The following UBE4B variants were observed in gnomAD, a reference collection of about 807,000 sequenced individuals.
UBE4B encodes ubiquitin conjugation factor E4 B.
In UBE4B, 27 loss-of-function variants were observed where a neutral mutation model predicts 148.1. The ratio of observed to expected loss-of-function variants is 0.18; its 90% CI spans 0.13 to 0.25. The LOEUF is 0.25. UBE4B is among the 10% of genes least tolerant of loss of function. The pLI, the probability that UBE4B is intolerant of heterozygous loss-of-function variation, is 1.00. For synonymous variants in UBE4B, 596 were observed against 619.3 expected, an observed-to-expected ratio of 0.96 and a Z score of 0.56; for missense variants, 1,170 against 1,662.4, an observed-to-expected ratio of 0.70 and a Z score of 5.15.
intron 23 of UBE4B, among the ~76,000 whole-genome samples, chr1:10,163,060 A>G (rs933975267): frequency 6.6e-6 from 1 of 151,830 alleles, no homozygotes; most frequent in African/African-American, 2.4e-5. Context: ...TTTGTTTTTT[A>G]TTATTATTAA....
At chr1:10,094,716 G>C (rs969451187) in intron 2 of UBE4B, among the ~76,000 whole-genome samples, 1 of 151,990 alleles carries the variant, frequency 6.6e-6, no homozygotes, top group African/African-American at 2.4e-5. Context: ...TTACAGGTGT[G>C]AGCCACCACA....
Position 10,052,141 on chromosome 1 carries a change from A to T in UBE4B, c.24+18447A>T, listed in dbSNP as rs558188010. 1.8e-4 allele frequency among the ~76,000 whole-genome samples: 27 copies of T among 150,276 alleles called. No homozygotes were observed. The East Asian group carries it at 5.3e-3, about 29-fold the overall frequency. On this transcript the variant is annotated intron_variant, in intron 1 of 27. Coordinates refer to ENST00000343090, the MANE Select transcript of UBE4B (RefSeq NM_001105562.3). ...GAGTGTAGTGGTGCCATCTTGGCTC[A>T]CTGCAACCTCCGCCTCCTGGGTTCA...
chr1:10,151,337 A>C lies in UBE4B; in HGVS notation c.2702A>C (p.Gln901Pro), dbSNP rs201222800. The change falls in exon 21 of 28, where the codon CAG (glutamine) becomes CCG (proline). Residue 901 changes from glutamine (Q) to proline (P), a missense_variant. Physicochemically the swap from Gln to Pro is moderately conservative, Grantham distance 76 (BLOSUM62 -1). Around this residue, in one of 6 missense-constraint regions of UBE4B, gnomAD observed 348 missense variants for 627.2 expected, o/e 0.55. Transcript: ENST00000343090. ...FLFFIVQYSPQALYEPCTQDI... is the reference protein window; with the variant it reads ...FLFFIVQYSPPALYEPCTQDI... ...TTGCCTCTGTTCAGATACTCTCCCC[A>C]GGCGCTTTATGAGCCCTGTACTCAG... 17 of 1,613,934 alleles carry C rather than the reference A, an allele frequency of 1.1e-5. No homozygotes were observed. The East Asian group carries it at 3.3e-4, about 32-fold the overall frequency.
rs1644637794 is a variant in UBE4B at position 10,079,279 on chromosome 1, C to T, written c.211+7065C>T. 2.0e-5 allele frequency among the ~76,000 whole-genome samples: 3 copies of T among 152,154 alleles called. No individual in the cohort carries two copies. In the South Asian group the frequency reaches 6.2e-4, roughly 31 times the overall value. On this transcript the variant is annotated intron_variant, in intron 2 of 27. Coordinates refer to ENST00000343090, the MANE Select transcript of UBE4B (RefSeq NM_001105562.3). ...GCTCAAGTGATTTTCCTGCCTCAAC[C>T]TCCTGAGTAGCTGGGATTACAGGCA...
intron 21 of UBE4B, among the ~76,000 whole-genome samples, chr1:10,154,373 T>TA (rs1168870730): frequency 2.6e-5 from 4 of 151,854 alleles, no homozygotes; most frequent in African/African-American, 4.8e-5. Flanking sequence ...AGCCGAGATC[T>TA]AAAAAAATTT....
chr1:10,132,502 CT>C lies in UBE4B; in HGVS notation c.2025+24del. The C allele has an allele frequency of 6.2e-7, 1 of 1,604,688 alleles. No homozygotes were observed. On this transcript the variant is annotated intron_variant, in intron 15 of 27. Transcript: ENST00000343090. ...ATGCAGGTAGGATTCCTACAGACTGCTTTTCGCTGTTTGTCAAATTCATTCA... is the reference window on the plus strand; with the variant it reads ...ATGCAGGTAGGATTCCTACAGACTGCTTTCGCTGTTTGTCAAATTCATTCA...
intron 14 of UBE4B, among the ~76,000 whole-genome samples, chr1:10,131,897 G>C (rs955221099): frequency 2.0e-5 from 3 of 151,936 alleles, no homozygotes; most frequent in Non-Finnish European, 4.4e-5. Context: ...AGGTTGCACT[G>C]AGCCGAGATG....
At position 10,179,885 on chromosome 1, in the gene UBE4B, C is replaced by G; in HGVS notation, c.3848-10C>G. ...CTGGGGCATTAATCCTCCTTTTTTT[C>G]TTTTCTCAGTGCCAGAACTGAAAGA... On this transcript the variant is annotated splice_polypyrimidine_tract_variant and intron_variant, in intron 27 of 27. Coordinates refer to ENST00000343090, the MANE Select transcript of UBE4B (RefSeq NM_001105562.3). 1 of 1,613,004 alleles carries G rather than the reference C, an allele frequency of 6.2e-7. No homozygotes were observed.
rs779239954 is a variant in UBE4B, at chr1:10,179,531, G to T, written c.3816G>T (p.Arg1272=). 6.2e-7 allele frequency: 1 copy of T among 1,613,672 alleles called. No individual in the cohort carries two copies. The highest frequency in any genetic ancestry group is 8.5e-7 in the Non-Finnish European group (1 of 1,180,016). The change falls in exon 27 of 28, where the codon CGG becomes CGT. Residue 1272 remains arginine (R), a synonymous_variant. Transcript: ENST00000343090. ...ACTCCCCCACGGACCCCTTCAACCG[G>T]CAGACGCTGACAGAGAGCATGCTGG... The part of the protein sequence containing the change: ...LLNSPTDPFN[R]QTLTESMLEP...
At chr1:10,146,000 A>C (rs983600308) in intron 18 of UBE4B, among the ~76,000 whole-genome samples, 3 of 152,200 alleles carry the variant, frequency 2.0e-5, no homozygotes, top group Non-Finnish European at 2.9e-5. Context: ...TAATATGTGG[A>C]AAGTTTACCT....
intron 5 of UBE4B, among the ~76,000 whole-genome samples, chr1:10,103,632 GTT>G (rs1186811301): frequency 9.4e-6 from 1 of 106,506 alleles, no homozygotes; most frequent in Non-Finnish European, 2.0e-5. Context: ...TTTTGTTTTT[GTT>G]TTTTTTTTTT....
chr1:10,081,198 G>A (rs1644673902), intron 2 of UBE4B, among the ~76,000 whole-genome samples: 1 of 152,004 alleles, frequency 6.6e-6, no homozygotes, highest in African/African-American at 2.4e-5. Context: ...GAGTAGCTGG[G>A]ATTACAGGCC....
At chr1:10,173,397 G>A (rs892260526) in intron 25 of UBE4B, among the ~76,000 whole-genome samples, 3 of 151,572 alleles carry the variant, frequency 2.0e-5, no homozygotes, top group Non-Finnish European at 4.4e-5. Context: ...CAGGAGAATG[G>A]CGTGAACCCA....
chr1:10,175,115 A>AG (rs1221805957), intron 25 of UBE4B, among the ~76,000 whole-genome samples: 9 of 152,160 alleles, frequency 5.9e-5, no homozygotes, highest in Admixed American at 1.3e-4. Flanking sequence ...GCCTGGGTGA[A>AG]GAGCCACTGA....
At chr1:10,102,567 C>T (rs933715713) in intron 4 of UBE4B, among the ~76,000 whole-genome samples, 7 of 151,650 alleles carry the variant, frequency 4.6e-5, no homozygotes, top group Admixed American at 3.9e-4. Flanking sequence ...CCCGCAACCG[C>T]GCCTGGCTAA....
chr1:10,157,432 C>T (rs1245928308), intron 21 of UBE4B, among the ~76,000 whole-genome samples: 1 of 151,988 alleles, frequency 6.6e-6, no homozygotes, highest in Non-Finnish European at 1.5e-5. Context: ...AGCCATTATT[C>T]ACACCACTGC....
chr1:10,155,084 A>AGTGTGT (rs144718535), intron 21 of UBE4B, among the ~76,000 whole-genome samples: 28 of 146,296 alleles, frequency 1.9e-4, no homozygotes, highest in Middle Eastern at 3.6e-3. Flanking sequence ...AGAGAGAGAG[A>AGTGTGT]GTGTGTGTGT....
chr1:10,054,170 T>G (rs994392671), intron 1 of UBE4B, among the ~76,000 whole-genome samples: 4 of 152,200 alleles, frequency 2.6e-5, no homozygotes, highest in Non-Finnish European at 4.4e-5. Flanking sequence ...CCATGATGAT[T>G]TAGAGGGACT....
rs575744725 is a variant in UBE4B at position 10,152,911 on chromosome 1, C to T, written c.2926+1350C>T. ...AGAGCCTGGGGATCTCAGAACCCAG[C>T]TGCCCTGATGAGGGCTTGGACGGAG... On this transcript the variant is annotated intron_variant, in intron 21 of 27. Transcript: ENST00000343090. Among the ~76,000 whole-genome samples the T allele has an allele frequency of 1.3e-4, 19 of 151,886 alleles. No individual in the cohort carries two copies. In the South Asian group the frequency reaches 3.1e-3, roughly 25 times the overall value.
Sources: gnomAD v4.1 joint callset for allele counts (sites outside exome capture counted in the v4.1 genomes callset) on GRCh38, gnomAD v4.1.1 for gene constraint, gnomAD v4.1.1 regional missense constraint, MANE v1.5 for transcripts, NCBI Gene and HGNC (gene_info 2026-07-23, HGNC 2026-07-21) for gene names.